Variants in SCN11A observed in about 807,000 individuals in gnomAD.
SCN11A encodes the protein sodium voltage-gated channel alpha subunit 11.
A neutral mutation model predicts 162.2 loss-of-function variants in SCN11A; 122 were observed. The ratio of observed to expected loss-of-function variants is 0.75; its 90% CI spans 0.65 to 0.87. The LOEUF (loss-of-function observed/expected upper bound fraction) is 0.87, where lower values mean the gene tolerates loss of function less well. Among genes scored for constraint, SCN11A ranks in the 40% least tolerant of loss-of-function variants. The pLI, the probability that SCN11A is intolerant of heterozygous loss-of-function variation, is 0.00. For synonymous variants in SCN11A, 758 were observed against 751.5 expected, an observed-to-expected ratio of 1.01 and a Z score of -0.14; for missense variants, 2,015 against 2,181.6, an observed-to-expected ratio of 0.92 and a Z score of 1.52.
At chr3:38,931,888 A>G (rs2066246699) in intron 7 of SCN11A, among the ~76,000 whole-genome samples, 3 of 152,326 alleles carry the variant, frequency 2.0e-5, no homozygotes, top group East Asian at 1.9e-4. Flanking sequence ...TCCATTCACA[A>G]GAAGCTTCTT....
At chr3:38,858,035 C>G (rs1340717761) in intron 28 of SCN11A, among the ~76,000 whole-genome samples, 1 of 151,856 alleles carries the variant, frequency 6.6e-6, no homozygotes, top group African/African-American at 2.4e-5. Flanking sequence ...TACACCAAAA[C>G]AAAACAAAAC....
At chr3:38,922,427 T>G (rs1424867607) in intron 9 of SCN11A, among the ~76,000 whole-genome samples, 1 of 152,238 alleles carries the variant, frequency 6.6e-6, no homozygotes, top group African/African-American at 2.4e-5. Context: ...TGGATCATTT[T>G]TTAATAGTCT....
chr3:39,051,683 G>C (rs2032385036), intron 1 of SCN11A, among the ~76,000 whole-genome samples, 178 bp downstream of exon 1: 2 of 152,120 alleles, frequency 1.3e-5, no homozygotes, highest in South Asian at 4.1e-4. Flanking sequence ...GTCTAGCACT[G>C]TTAATTCTTT....
At chr3:39,025,298 G>A (rs1016447097) in intron 2 of SCN11A, among the ~76,000 whole-genome samples, 1 of 152,106 alleles carries the variant, frequency 6.6e-6, no homozygotes, top group Non-Finnish European at 1.5e-5. Flanking sequence ...CCTCAGAGAG[G>A]GTTCTTCTAT....
chr3:38,938,158 C>G (rs147186951), intron 7 of SCN11A, among the ~76,000 whole-genome samples: 4,526 of 152,010 alleles, frequency 0.03, 91 homozygotes, highest in Non-Finnish European at 0.048. Flanking sequence ...CATATTCTCA[C>G]TCATAGGTGG....
chr3:38,909,611 T>A (rs1450561680), intron 12 of SCN11A, among the ~76,000 whole-genome samples: 1 of 150,810 alleles, frequency 6.6e-6, no homozygotes, highest in Admixed American at 6.6e-5. Context: ...GAGACGGAGT[T>A]TCACTCTATC....
chr3:38,897,455 G>A (rs1484803294), intron 17 of SCN11A, among the ~76,000 whole-genome samples: 2 of 151,990 alleles, frequency 1.3e-5, no homozygotes, highest in Non-Finnish European at 2.9e-5. Context: ...AGTGGCTCAC[G>A]CCTGTAATCC....
rs1553635622 is a variant in SCN11A, at chr3:38,885,375, C to A, written c.2977G>T (p.Glu993Ter). ...TCCTGAAGATCAATGGTGCTACATTCTGATAGTATACTGGTAACATCAGAC... is the reference window on the plus strand; with the variant it reads ...TCCTGAAGATCAATGGTGCTACATTATGATAGTATACTGGTAACATCAGAC... ...KKSDVTSILS[E>*]CSTIDLQDGF... Residue 993 changes from glutamate (E) to a stop codon, truncating the protein, a stop_gained, in exon 21 of 30, where the codon GAA becomes TAA. Coordinates refer to ENST00000302328, the MANE Select transcript of SCN11A (RefSeq NM_001349253.2). LOFTEE classifies it high-confidence loss of function. 4.3e-6 allele frequency: 7 copies of A among 1,611,448 alleles called. No individual in the cohort carries two copies. Among genetic ancestry groups the A allele is most frequent in the Non-Finnish European group, 5.9e-6 (7 of 1,177,524 alleles).
chr3:38,931,758 G>A (rs1205195840), intron 7 of SCN11A, among the ~76,000 whole-genome samples: 1 of 152,208 alleles, frequency 6.6e-6, no homozygotes, highest in Non-Finnish European at 1.5e-5. Flanking sequence ...ACAGCTGCTA[G>A]CCAGCTTTCA....
chr3:38,951,578 C>T (rs1009161001), intron 4 of SCN11A, among the ~76,000 whole-genome samples: 2 of 152,248 alleles, frequency 1.3e-5, no homozygotes, highest in South Asian at 2.1e-4. Context: ...CCTGCGGCCC[C>T]GGTGCGGGAT....
chr3:39,007,198 AG>A (rs908372654), intron 2 of SCN11A, among the ~76,000 whole-genome samples: 103 of 152,330 alleles, frequency 6.8e-4, no homozygotes, highest in African/African-American at 2.5e-3. Flanking sequence ...TGATATAATA[AG>A]AAATATACAT....
At chr3:38,965,711 C>G (rs762591760) in intron 2 of SCN11A, among the ~76,000 whole-genome samples, 10 of 150,624 alleles carry the variant, frequency 6.6e-5, no homozygotes, top group Admixed American at 1.3e-4. Context: ...CTTTTTTTTT[C>G]ATATGACAAG....
At chr3:39,047,020 CCCCCA>C (rs2032198718) in intron 1 of SCN11A, among the ~76,000 whole-genome samples, 2 of 123,466 alleles carry the variant, frequency 1.6e-5, no homozygotes, top group Admixed American at 7.8e-5. Context: ...TGCACACAGC[CCCCCA>C]CCCCCCACCC....
intron 2 of SCN11A, among the ~76,000 whole-genome samples, chr3:39,020,148 G>A (rs1024593989): frequency 4.6e-5 from 7 of 152,166 alleles, no homozygotes; most frequent in African/African-American, 7.2e-5. Flanking sequence ...GTTGCCCCAA[G>A]AGTTAAATAA....
At chr3:38,928,828 CTGT>C (rs2066186476) in intron 7 of SCN11A, among the ~76,000 whole-genome samples, 1 of 152,138 alleles carries the variant, frequency 6.6e-6, no homozygotes, top group Admixed American at 6.5e-5. Flanking sequence ...CACTTGTGCA[CTGT>C]TGATGAGATT....
chr3:39,033,405 A>C (rs61375818), intron 1 of SCN11A, among the ~76,000 whole-genome samples: 2,937 of 152,326 alleles, frequency 0.019, 101 homozygotes, highest in African/African-American at 0.067. Context: ...TTATTGCACA[A>C]AAATGCTTAA....
intron 18 of SCN11A, among the ~76,000 whole-genome samples, chr3:38,895,495 G>A (rs970695704): frequency 3.9e-5 from 6 of 152,194 alleles, no homozygotes; most frequent in Non-Finnish European, 5.9e-5. Flanking sequence ...CAACTCTTTC[G>A]TTGAACCACA....
chr3:39,033,167 G>A (rs77296629), intron 1 of SCN11A, among the ~76,000 whole-genome samples: 1 of 120,008 alleles, frequency 8.3e-6, no homozygotes, highest in Non-Finnish European at 1.9e-5. Context: ...AAAAAAAAAA[G>A]AGAGAGAGAG....
At chr3:38,942,926 T>C (rs1358284960) in intron 7 of SCN11A, among the ~76,000 whole-genome samples, 2 of 152,292 alleles carry the variant, frequency 1.3e-5, no homozygotes, top group South Asian at 2.1e-4. Context: ...TATTAGAAAG[T>C]TACATATATA....
Sources: allele counts gnomAD v4.1 joint callset (sites outside exome capture counted in the v4.1 genomes callset), GRCh38; gene constraint gnomAD v4.1.1; transcripts MANE v1.5; gene names NCBI Gene and HGNC (gene_info 2026-07-23, HGNC 2026-07-21).